CPNE1: variants seen among roughly 807,000 people sequenced by gnomAD.
The protein encoded by CPNE1 is copine 1.
Under a neutral mutation model 63.2 loss-of-function variants are expected in CPNE1, and 58 were observed. The ratio of observed to expected loss-of-function variants is 0.92; its 90% CI spans 0.74 to 1.14. The LOEUF (loss-of-function observed/expected upper bound fraction) is 1.14, where lower values mean the gene tolerates loss of function less well. Among genes scored for constraint, CPNE1 ranks in the 50% most tolerant of loss-of-function variants. The probability of loss-of-function intolerance (pLI) is 0.00; values close to 1 mark genes in which losing one functional copy is unlikely to be tolerated. For synonymous variants in CPNE1, 237 were observed against 249.0 expected (o/e 0.95, Z 0.45); for missense variants, 672 against 661.7 (o/e 1.02, Z -0.17).
At chr20:35,643,374 A>C (rs2032926486) in intron 1 of CPNE1, 1 of 152,232 alleles carries the variant, frequency 6.6e-6, no homozygotes, top group African/African-American at 2.4e-5. Context: ...TCTCAAAAGC[A>C]GGATAGGACT....
intron 1 of CPNE1, chr20:35,654,384 A>C: frequency 1.2e-6 from 2 of 1,614,242 alleles, no homozygotes; most frequent in Non-Finnish European, 1.7e-6. Context: ...CCATTGCAGA[A>C]AAGGGCATTC....
intron 1 of CPNE1, chr20:35,653,326 C>G (rs777448719): frequency 6.2e-7 from 1 of 1,613,878 alleles, no homozygotes; most frequent in African/African-American, 1.3e-5. Context: ...ACCGGGAAGT[C>G]CTGCACTGGG....
At chr20:35,634,508 C>T (rs369468865) in intron 1 of CPNE1, among the ~76,000 whole-genome samples, 1 of 150,846 alleles carries the variant, frequency 6.6e-6, no homozygotes, top group Admixed American at 6.6e-5. Flanking sequence ...GCAGGAGAAT[C>T]GCTTGAACCT....
chr20:35,630,284 G>A (rs929200178), intron 13 of CPNE1, among the ~76,000 whole-genome samples, 155 bp downstream of exon 13: 1 of 152,200 alleles, frequency 6.6e-6, no homozygotes, highest in Non-Finnish European at 1.5e-5. Flanking sequence ...GACAGAGCAA[G>A]ACTCTTTCTC....
chr20:35,654,890 T>C, intron 1 of CPNE1: 1 of 1,614,154 alleles, frequency 6.2e-7, no homozygotes, highest in Non-Finnish European at 8.5e-7. Context: ...TGTATGTTTT[T>C]GTTGCTTTCA....
rs1307718867 is a variant in CPNE1 at position 35,627,421 on chromosome 20, G to A, written c.1103-8C>T. ...CCACAATGCCCTGGATGCCTGCAGAGGAGAGCAAGAAATACCGTAAAATCC... is the reference window on the plus strand; with the variant it reads ...CCACAATGCCCTGGATGCCTGCAGAAGAGAGCAAGAAATACCGTAAAATCC... On this transcript the variant is annotated splice_region_variant and splice_polypyrimidine_tract_variant and intron_variant, in intron 13 of 15. Coordinates refer to ENST00000397443, the MANE Select transcript of CPNE1 (RefSeq NM_152925.3). 1.2e-6 allele frequency: 2 copies of A among 1,613,696 alleles called. No individual in the cohort carries two copies. Among genetic ancestry groups the A allele is most frequent in the Non-Finnish European group, 1.7e-6 (2 of 1,179,928 alleles).
chr20:35,656,213 G>A (rs2033888629), intron 1 of CPNE1, among the ~76,000 whole-genome samples: 1 of 152,052 alleles, frequency 6.6e-6, no homozygotes, highest in South Asian at 2.1e-4. Context: ...CCTAGGAGAG[G>A]GCTGACAATA....
At chr20:35,656,413 CA>C (rs1281886508) in intron 1 of CPNE1, among the ~76,000 whole-genome samples, 2 of 152,176 alleles carry the variant, frequency 1.3e-5, no homozygotes, top group African/African-American at 4.8e-5. Flanking sequence ...AGAGCAAATT[CA>C]AGGGCAGCCC....
At chr20:35,648,658 T>C (rs1224975423) in intron 1 of CPNE1, among the ~76,000 whole-genome samples, 1 of 152,228 alleles carries the variant, frequency 6.6e-6, no homozygotes, top group African/African-American at 2.4e-5. Context: ...GTTTTCAACA[T>C]TTAAGGGCTT....
At chr20:35,642,307 C>T (rs933053668) in intron 1 of CPNE1, among the ~76,000 whole-genome samples, 1 of 152,196 alleles carries the variant, frequency 6.6e-6, no homozygotes, top group Non-Finnish European at 1.5e-5. Flanking sequence ...CCTTATCCAC[C>T]CCAGGTAATG....
chr20:35,639,440 G>A (rs982561885), intron 1 of CPNE1, among the ~76,000 whole-genome samples: 8 of 152,044 alleles, frequency 5.3e-5, no homozygotes, highest in Admixed American at 6.6e-5. Flanking sequence ...GGGTTCCAGC[G>A]ATTCTCCCAC....
At chr20:35,650,071 C>T (rs1482579763) in intron 1 of CPNE1, 2 of 152,530 alleles carry the variant, frequency 1.3e-5, no homozygotes, top group Non-Finnish European at 2.9e-5. Context: ...ACTGAAACTC[C>T]AATGCCCAGA....
chr20:35,656,422 CCCTTTG>C (rs1300261460), intron 1 of CPNE1, among the ~76,000 whole-genome samples: 1 of 152,170 alleles, frequency 6.6e-6, no homozygotes, highest in Non-Finnish European at 1.5e-5. Flanking sequence ...TCAAGGGCAG[CCCTTTG>C]GAAAGTGACA....
intron 13 of CPNE1, among the ~76,000 whole-genome samples, chr20:35,629,087 CACAT>C (rs2031955257): frequency 6.6e-6 from 1 of 152,132 alleles, no homozygotes; most frequent in Non-Finnish European, 1.5e-5. Context: ...CACACACACA[CACAT>C]ATACACACAC....
intron 12 of CPNE1, 82 bp downstream of exon 12, chr20:35,630,657 CAA>C: frequency 6.5e-7 from 1 of 1,538,610 alleles, no homozygotes; most frequent in Admixed American, 1.7e-5. Context: ...AGCTGAGTGC[CAA>C]GTAGCAAGTA....
intron 1 of CPNE1, among the ~76,000 whole-genome samples, chr20:35,661,786 T>C (rs2034243690): frequency 6.6e-6 from 1 of 152,216 alleles, no homozygotes; most frequent in South Asian, 2.1e-4. Flanking sequence ...AACGACTATT[T>C]TCACTCTTCA....
intron 1 of CPNE1, chr20:35,652,330 T>C: frequency 6.6e-6 from 4 of 608,150 alleles, no homozygotes; most frequent in Non-Finnish European, 1.1e-5. Context: ...ATAGCTTTAC[T>C]GTAACATACA....
intron 1 of CPNE1, among the ~76,000 whole-genome samples, chr20:35,635,334 A>G (rs1181672474): frequency 6.6e-6 from 1 of 152,058 alleles, no homozygotes; most frequent in African/African-American, 2.4e-5. Flanking sequence ...TGAGAAAGGA[A>G]TATTTAGCTG....
intron 1 of CPNE1, among the ~76,000 whole-genome samples, chr20:35,640,205 T>C (rs2032727966): frequency 1.3e-5 from 2 of 152,224 alleles, no homozygotes. Context: ...CACGGGATTA[T>C]TAATCTCTTC....
Sources: allele counts gnomAD v4.1 joint callset (sites outside exome capture counted in the v4.1 genomes callset), GRCh38; gene constraint gnomAD v4.1.1; transcripts MANE v1.5; gene names NCBI Gene and HGNC (gene_info 2026-07-23, HGNC 2026-07-21).